Variants in RHOBTB3 observed in about 807,000 individuals in gnomAD.
The protein encoded by RHOBTB3 is rho-related BTB domain-containing protein 3.
RHOBTB3 carries 47 observed loss-of-function variants against 67.2 expected under a neutral mutation model. The ratio of observed to expected loss-of-function variants is 0.70; its 90% CI spans 0.55 to 0.89. The LOEUF is 0.89. Ranked by LOEUF, RHOBTB3 falls within the 40% of genes least tolerant of loss-of-function variation. The probability of loss-of-function intolerance (pLI) is 0.00; values close to 1 mark genes in which losing one functional copy is unlikely to be tolerated. For synonymous variants in RHOBTB3, 273 were observed against 274.2 expected, an observed-to-expected ratio of 1.00 and a Z score of 0.04; for missense variants, 631 against 750.0, an observed-to-expected ratio of 0.84 and a Z score of 1.85.
chr5:95,744,516 C>T (rs926077455), intron 3 of RHOBTB3, among the ~76,000 whole-genome samples: 8 of 152,022 alleles, frequency 5.3e-5, no homozygotes, highest in South Asian at 2.1e-4. Flanking sequence ...ACTCACTAAA[C>T]GTTTATTCAA....
chr5:95,726,556 T>A (rs892598736), upstream of RHOBTB3, among the ~76,000 whole-genome samples: 2 of 152,244 alleles, frequency 1.3e-5, no homozygotes, highest in African/African-American at 4.8e-5. Flanking sequence ...TGTAAATTCA[T>A]ACTTAAAACA....
At chr5:95,774,513 A>G (rs1580422078) in intron 8 of RHOBTB3, among the ~76,000 whole-genome samples, 1 of 152,184 alleles carries the variant, frequency 6.6e-6, no homozygotes, top group Non-Finnish European at 1.5e-5. Flanking sequence ...TATCTCCTTT[A>G]TTTTCATTAT....
chr5:95,762,831 C>A (rs949746305), intron 6 of RHOBTB3, among the ~76,000 whole-genome samples: 1 of 151,854 alleles, frequency 6.6e-6, no homozygotes, highest in Admixed American at 6.6e-5. Context: ...CTTTTGCTGA[C>A]CATAGAATAA....
chr5:95,729,377 T>C (rs1172892191), upstream of RHOBTB3, among the ~76,000 whole-genome samples: 1 of 152,168 alleles, frequency 6.6e-6, no homozygotes, highest in African/African-American at 2.4e-5. Flanking sequence ...ATTGAGTAAC[T>C]AAGGAAAAAA....
chr5:95,733,958 C>T (rs115365924), intron 2 of RHOBTB3, among the ~76,000 whole-genome samples: 3 of 152,334 alleles, frequency 2.0e-5, no homozygotes, highest in African/African-American at 7.2e-5. Flanking sequence ...TGTTAAATCA[C>T]TTACCTTCTC....
intron 1 of RHOBTB3, among the ~76,000 whole-genome samples, chr5:95,723,628 T>A (rs1252343136): frequency 6.6e-6 from 1 of 152,232 alleles, no homozygotes; most frequent in African/African-American, 2.4e-5. Context: ...TCCCATTAGA[T>A]TAGTTAAAAC....
chr5:95,733,749 C>T (rs1204346938), intron 2 of RHOBTB3, among the ~76,000 whole-genome samples: 1 of 152,128 alleles, frequency 6.6e-6, no homozygotes, highest in Non-Finnish European at 1.5e-5. Flanking sequence ...TAGAGTTGCT[C>T]TTTATAAGGT....
chr5:95,755,498 A>C lies in RHOBTB3; in HGVS notation c.785A>C (p.Asn262Thr). 1 of 1,614,100 alleles carries C rather than the reference A, an allele frequency of 6.2e-7. No individual in the cohort carries two copies. Among genetic ancestry groups the C allele is most frequent in the Non-Finnish European group, 8.5e-7 (1 of 1,180,006 alleles). The part of the protein sequence containing the change: ...QCVDVVFYNP[N>T]LKKVVEAHKI... The stretch of plus-strand genomic sequence containing the variant: ...GTGGACGTGGTATTTTACAACCCCA[A>C]TTTAAAGAAAGTTGTAGAGGCCCAC... Residue 262 changes from asparagine to threonine, a missense_variant, in exon 6 of 12, where the codon AAT becomes ACT. Coordinates refer to ENST00000379982, the MANE Select transcript of RHOBTB3 (RefSeq NM_014899.4).
intron 10 of RHOBTB3, among the ~76,000 whole-genome samples, chr5:95,784,916 C>T (rs745608031): frequency 6.6e-5 from 10 of 152,164 alleles, no homozygotes; most frequent in Admixed American, 2.0e-4. Context: ...TGTGGTAAGC[C>T]GAGCCCTCTA....
upstream of RHOBTB3, chr5:95,730,811 T>C: frequency 6.7e-6 from 3 of 445,118 alleles, no homozygotes; most frequent in Admixed American, 7.4e-5. Flanking sequence ...TGCAGCAGCA[T>C]GAATGTTGCC....
chr5:95,768,100 T>A lies in RHOBTB3; in HGVS notation c.1216T>A (p.Tyr406Asn). 3.1e-6 allele frequency: 5 copies of A among 1,613,558 alleles called. No individual in the cohort carries two copies. The highest frequency in any genetic ancestry group is 3.4e-6 in the Non-Finnish European group (4 of 1,179,474). The change falls in exon 8 of 12, where the codon TAT becomes AAT. Residue 406 changes from tyrosine (Y) to asparagine (N), a missense_variant. Physicochemically the swap from Tyr to Asn is moderately radical, Grantham distance 143 (BLOSUM62 -2). Coordinates refer to ENST00000379982, the MANE Select transcript of RHOBTB3 (RefSeq NM_014899.4). The stretch of plus-strand genomic sequence containing the variant: ...TCAAGCCAGAAAACCTTTGTGGTTT[T>A]ATAACACTTCCCTCAAGTTTTTCCT... ...TYQARKPLWF[Y>N]NTSLKFFLNK...
intron 2 of RHOBTB3, among the ~76,000 whole-genome samples, chr5:95,736,516 C>T (rs72783447): frequency 0.057 from 8,601 of 152,218 alleles, 314 homozygotes; most frequent in South Asian, 0.14. Flanking sequence ...TTTGAAGCTT[C>T]GTTACTCATA....
intron 8 of RHOBTB3, among the ~76,000 whole-genome samples, chr5:95,776,291 C>T (rs1745878257): frequency 2.6e-5 from 4 of 152,028 alleles, no homozygotes; most frequent in South Asian, 4.2e-4. Context: ...CCTATAATCC[C>T]AGCTACTCGG....
chr5:95,748,754 G>A (rs1479450175), intron 4 of RHOBTB3, among the ~76,000 whole-genome samples: 3 of 152,146 alleles, frequency 2.0e-5, no homozygotes, highest in Admixed American at 6.5e-5. Context: ...TGTATCAAAA[G>A]CATGTTTACT....
chr5:95,728,438 T>G (rs934285222), upstream of RHOBTB3, among the ~76,000 whole-genome samples: 1 of 152,208 alleles, frequency 6.6e-6, no homozygotes, highest in African/African-American at 2.4e-5. Context: ...ATTCTTAATC[T>G]ATTAAGACCT....
intron 2 of RHOBTB3, among the ~76,000 whole-genome samples, chr5:95,736,099 A>C (rs1755448940): frequency 6.6e-6 from 1 of 152,180 alleles, no homozygotes; most frequent in East Asian, 1.9e-4. Context: ...AAAAATCAAA[A>C]CATTATATTT....
intron 3 of RHOBTB3, among the ~76,000 whole-genome samples, chr5:95,741,972 A>G (rs1755614184): frequency 6.6e-6 from 1 of 152,122 alleles, no homozygotes; most frequent in African/African-American, 2.4e-5. Flanking sequence ...GGATGCTCAC[A>G]TTGCTCCATA....
chr5:95,731,002 TG>T (rs1755210678), upstream of RHOBTB3: 1 of 657,258 alleles, frequency 1.5e-6, no homozygotes, highest in East Asian at 6.9e-5. Flanking sequence ...CAGTCCGGAG[TG>T]AGCGGGGGCC....
At chr5:95,732,158 G>A in intron 2 of RHOBTB3, 74 bp downstream of exon 2, 2 of 1,366,444 alleles carry the variant, frequency 1.5e-6, no homozygotes, top group East Asian at 4.8e-5. Flanking sequence ...TCCCCCTTCT[G>A]CCCACTTCCG....
Sources: allele counts gnomAD v4.1 joint callset (sites outside exome capture counted in the v4.1 genomes callset), GRCh38; gene constraint gnomAD v4.1.1; transcripts MANE v1.5; gene names NCBI Gene and HGNC (gene_info 2026-07-23, HGNC 2026-07-21).